The following TNFSF4 variants were observed in gnomAD, a reference collection of about 807,000 sequenced individuals.
The protein encoded by TNFSF4 is TNF superfamily member 4, also known as tumor necrosis factor ligand superfamily member 4.
In TNFSF4, 4 loss-of-function variants were observed where a neutral mutation model predicts 7.3. The ratio of observed to expected loss-of-function variants is 0.55; its 90% confidence interval spans 0.27 to 1.25. The LOEUF (loss-of-function observed/expected upper bound fraction) is 1.25. Among genes scored for constraint, TNFSF4 ranks in the 50% most tolerant of loss-of-function variants. The pLI is 0.12. For synonymous variants in TNFSF4, 76 were observed against 83.7 expected (o/e 0.91, Z 0.50); for missense variants, 181 against 208.8 (o/e 0.87, Z 0.82).
At chr1:173,294,462 G>A in the TNFSF4 span, among the ~76,000 whole-genome samples, 59 of 152,034 alleles carry the variant, frequency 3.9e-4, no homozygotes, top group African/African-American at 1.4e-3. Context: ...AATGGGGAGG[G>A]TCATAGATGA....
chr1:173,310,494 C>T, the TNFSF4 span, among the ~76,000 whole-genome samples: 1 of 151,740 alleles, frequency 6.6e-6, no homozygotes. Context: ...GCTTTAATTG[C>T]ACTGTCATTA....
At chr1:173,263,957 A>G in the TNFSF4 span, among the ~76,000 whole-genome samples, 1 of 152,204 alleles carries the variant, frequency 6.6e-6, no homozygotes, top group Non-Finnish European at 1.5e-5. Context: ...AAAAGGGAAC[A>G]GAAGACATTG....
the TNFSF4 span, among the ~76,000 whole-genome samples, chr1:173,439,469 C>T: frequency 6.6e-6 from 1 of 152,174 alleles, no homozygotes. Flanking sequence ...CAGCCTCTGC[C>T]CACCTGCAGC....
chr1:173,354,152 AG>A, the TNFSF4 span, among the ~76,000 whole-genome samples: 1 of 152,180 alleles, frequency 6.6e-6, no homozygotes, highest in African/African-American at 2.4e-5. Context: ...AGAAATAATA[AG>A]GGGAATATTA....
At chr1:173,326,487 A>G in the TNFSF4 span, among the ~76,000 whole-genome samples, 1 of 152,082 alleles carries the variant, frequency 6.6e-6, no homozygotes, top group Non-Finnish European at 1.5e-5. Flanking sequence ...CACCACTCCT[A>G]TTCAACATAG....
At chr1:173,346,221 G>A in the TNFSF4 span, among the ~76,000 whole-genome samples, 30 of 152,260 alleles carry the variant, frequency 2.0e-4, no homozygotes, top group East Asian at 5.4e-3. Context: ...TAAAACAGTT[G>A]CTTGAACATC....
At chr1:173,287,505 C>T in the TNFSF4 span, among the ~76,000 whole-genome samples, 2 of 152,070 alleles carry the variant, frequency 1.3e-5, no homozygotes, top group Non-Finnish European at 1.5e-5. Flanking sequence ...TTTACAAAAG[C>T]GTTCAGTGAT....
the TNFSF4 span, among the ~76,000 whole-genome samples, chr1:173,223,454 C>T: frequency 1.1e-4 from 17 of 151,900 alleles, no homozygotes; most frequent in South Asian, 1.9e-3. Context: ...ACCCGCCCCC[C>T]CAAAAAAAAT....
At chr1:173,309,200 A>G in the TNFSF4 span, among the ~76,000 whole-genome samples, 1 of 151,850 alleles carries the variant, frequency 6.6e-6, no homozygotes. Flanking sequence ...TTTAATCCTC[A>G]TGCCCTTCAT....
chr1:173,376,447 G>C, the TNFSF4 span, among the ~76,000 whole-genome samples: 4 of 152,150 alleles, frequency 2.6e-5, no homozygotes, highest in African/African-American at 9.7e-5. Flanking sequence ...TAGGGGGTGG[G>C]GGTCTAGGGG....
the TNFSF4 span, among the ~76,000 whole-genome samples, chr1:173,178,315 C>T: frequency 6.6e-6 from 1 of 152,276 alleles, no homozygotes; most frequent in South Asian, 2.1e-4. Flanking sequence ...GTGGCTCACC[C>T]CTGTAATCCC....
At chr1:173,197,692 G>A (rs1465896855) in intron 1 of TNFSF4, among the ~76,000 whole-genome samples, 2 of 152,200 alleles carry the variant, frequency 1.3e-5, no homozygotes, top group African/African-American at 4.8e-5. Flanking sequence ...GGGGCAAGGG[G>A]AGGGAGGGCA....
chr1:173,377,373 A>C, the TNFSF4 span, among the ~76,000 whole-genome samples: 1 of 152,150 alleles, frequency 6.6e-6, no homozygotes, highest in African/African-American at 2.4e-5. Flanking sequence ...ACAACCCCCG[A>C]GCCAGATTGC....
chr1:173,385,524 A>G, the TNFSF4 span, among the ~76,000 whole-genome samples: 2 of 152,262 alleles, frequency 1.3e-5, no homozygotes, highest in Non-Finnish European at 2.9e-5. Flanking sequence ...TGTTAGGGGC[A>G]TCCAGCAGCA....
At chr1:173,278,286 TA>T in the TNFSF4 span, among the ~76,000 whole-genome samples, 1 of 152,134 alleles carries the variant, frequency 6.6e-6, no homozygotes, top group Non-Finnish European at 1.5e-5. Context: ...GGTGTTCAAT[TA>T]TTTTTTAATG....
In TNFSF4 at chr1:173,204,923, A is replaced by AC. The variant is rs1491546080; in HGVS notation, c.153+2100_153+2101insG. Among the ~76,000 whole-genome samples the AC allele has an allele frequency of 9.8e-3, 1,440 of 147,636 alleles. 26 individuals are homozygous for AC. The highest frequency in any genetic ancestry group is 0.035 in the African/African-American group (1,326 of 37,984). ...CAGAAACACACACACACACACACAC[A>AC]AACACACACACACACACACTGCTGC... On this transcript the variant is annotated intron_variant, in intron 1 of 2. Coordinates refer to ENST00000281834, the MANE Select transcript of TNFSF4 (RefSeq NM_003326.5).
chr1:173,417,509 C>A, the TNFSF4 span, among the ~76,000 whole-genome samples: 1 of 33,438 alleles, frequency 3.0e-5, no homozygotes, highest in African/African-American at 7.0e-5. Flanking sequence ...CACGTGGAAG[C>A]GTGGCCAGCA....
At chr1:173,201,602 C>G (rs1649946130) in intron 1 of TNFSF4, among the ~76,000 whole-genome samples, 1 of 152,120 alleles carries the variant, frequency 6.6e-6, no homozygotes, top group African/African-American at 2.4e-5. Flanking sequence ...CAGGGAATTT[C>G]AAGAAATTTA....
At chr1:173,419,878 C>T in the TNFSF4 span, among the ~76,000 whole-genome samples, 4 of 152,088 alleles carry the variant, frequency 2.6e-5, no homozygotes, top group Admixed American at 6.6e-5. Flanking sequence ...TGGACTCCCT[C>T]CCTGATTTTG....
Sources: gnomAD v4.1 joint callset for allele counts (sites outside exome capture counted in the v4.1 genomes callset) on GRCh38, gnomAD v4.1.1 for gene constraint, MANE v1.5 for transcripts, NCBI Gene and HGNC (gene_info 2026-07-23, HGNC 2026-07-21) for gene names.